NID1: variants seen among roughly 807,000 people sequenced by gnomAD.
NID1 encodes the protein nidogen 1.
NID1 carries 76 observed loss-of-function variants against 130.6 expected under a neutral mutation model. That is an observed-to-expected ratio of 0.58 (90% CI 0.48 to 0.70). NID1 has a LOEUF of 0.70. Ranked by LOEUF, NID1 falls within the 30% of genes least tolerant of loss-of-function variation. The pLI is 0.00. For missense variants in NID1, 1,517 were observed against 1,664.8 expected (o/e 0.91, Z 1.54); for synonymous variants, 665 against 675.1 (o/e 0.98, Z 0.23).
intron 1 of NID1, among the ~76,000 whole-genome samples, chr1:236,063,859 C>T (rs964398350): frequency 4.6e-5 from 7 of 152,232 alleles, no homozygotes; most frequent in African/African-American, 1.7e-4. Flanking sequence ...GGGGCCAGGG[C>T]AGTCAACCAA....
At chr1:235,987,100 T>C (rs1024250554) in intron 14 of NID1, among the ~76,000 whole-genome samples, 4 of 152,226 alleles carry the variant, frequency 2.6e-5, no homozygotes, top group Non-Finnish European at 4.4e-5. Flanking sequence ...TACTGGGCTA[T>C]TGTTTGGTTT....
Position 235,991,030 on chromosome 1 carries a change from G to A in NID1, c.2784C>T (p.His928=), listed in dbSNP as rs776442794. 3 of 1,605,930 alleles carry A rather than the reference G, an allele frequency of 1.9e-6. No individual in the cohort carries two copies. The highest frequency in any genetic ancestry group is 2.2e-5 in the East Asian group (1 of 44,886). ...CGGCGGTAGGCACCGCAGGTCCTTG[G>A]TGAATCGGGGGAGCCACTGTACTCA... is the stretch of plus-strand genomic sequence containing the variant. The part of the protein sequence containing the change: ...PCLSTVAPPI[H]QGPAVPTAVI... The change falls in exon 14 of 20, where the codon CAC becomes CAT. Residue 928 remains histidine (H), a synonymous_variant. Transcript: ENST00000264187.
At chr1:235,995,119 A>T (rs2102803040) in intron 12 of NID1, among the ~76,000 whole-genome samples, 1 of 152,376 alleles carries the variant, frequency 6.6e-6, no homozygotes, top group South Asian at 2.1e-4. Context: ...ACATTTGTGG[A>T]TTCAACCAAC....
intron 12 of NID1, among the ~76,000 whole-genome samples, chr1:236,011,093 G>A (rs1658396158): frequency 6.6e-6 from 1 of 152,050 alleles, no homozygotes; most frequent in African/African-American, 2.4e-5. Context: ...TGAGCTCACA[G>A]GTCCTCAATG....
chr1:235,995,123 A>G (rs188580492), intron 12 of NID1, among the ~76,000 whole-genome samples: 31 of 152,256 alleles, frequency 2.0e-4, no homozygotes, highest in African/African-American at 7.5e-4. Flanking sequence ...TTGTGGATTC[A>G]ACCAACTACA....
chr1:236,001,319 C>A (rs1042170356), intron 12 of NID1, among the ~76,000 whole-genome samples: 39 of 152,114 alleles, frequency 2.6e-4, no homozygotes, highest in African/African-American at 8.9e-4. Flanking sequence ...GTTGGCCAGG[C>A]TGGTCTCGAA....
chr1:235,998,567 C>T (rs774206725), intron 12 of NID1, among the ~76,000 whole-genome samples: 2 of 151,764 alleles, frequency 1.3e-5, no homozygotes, highest in Admixed American at 6.6e-5. Context: ...CCCAGCTACT[C>T]GGGAGGCTGA....
chr1:236,037,652 T>A (rs1407069648), intron 5 of NID1, among the ~76,000 whole-genome samples: 14 of 133,198 alleles, frequency 1.1e-4, no homozygotes, highest in East Asian at 7.1e-4. Context: ...AGTAAGACTC[T>A]GTCTCAAGAA....
chr1:235,997,587 T>C (rs1436508598), intron 12 of NID1, among the ~76,000 whole-genome samples: 1 of 150,802 alleles, frequency 6.6e-6, no homozygotes, highest in African/African-American at 2.4e-5. Context: ...TGTTTTTGAC[T>C]CTCAGTTCCA....
chr1:236,041,812 A>G (rs1056219039), intron 4 of NID1, 98 bp downstream of exon 4: 1 of 1,445,156 alleles, frequency 6.9e-7, no homozygotes, highest in Non-Finnish European at 9.3e-7. Flanking sequence ...TTTACAAACC[A>G]CCATGTAATG....
intron 12 of NID1, 41 bp downstream of exon 12, chr1:236,011,880 A>T (rs566789159): frequency 6.2e-7 from 1 of 1,609,446 alleles, no homozygotes; most frequent in Non-Finnish European, 8.5e-7. Context: ...ATTCATGGAC[A>T]GGGCAATGGG....
intron 1 of NID1, among the ~76,000 whole-genome samples, chr1:236,062,966 C>T (rs1269081350): frequency 6.6e-6 from 1 of 150,582 alleles, no homozygotes; most frequent in Non-Finnish European, 1.5e-5. Context: ...CCAGCCTGGT[C>T]AACATGGTGA....
Position 236,038,059 on chromosome 1 carries a change from G to C in NID1, c.1285+45C>G. On this transcript the variant is annotated intron_variant, in intron 5 of 19. Transcript: ENST00000264187. ...AAACGAGCACCAAAACAAAAACTCC[G>C]CTCCTCCTTCTCCCGCATGAAACGA... The C allele has an allele frequency of 1.9e-6, 3 of 1,562,770 alleles. No homozygotes were observed. The South Asian group carries it at 3.5e-5, about 18-fold the overall frequency.
At chr1:236,023,666 A>T (rs1658835249) in intron 9 of NID1, among the ~76,000 whole-genome samples, 1 of 152,060 alleles carries the variant, frequency 6.6e-6, no homozygotes, top group Non-Finnish European at 1.5e-5. Flanking sequence ...GGAACAAAAA[A>T]TCCATCTTGT....
chr1:236,016,411 A>G (rs1329462804), intron 10 of NID1, among the ~76,000 whole-genome samples: 2 of 152,216 alleles, frequency 1.3e-5, no homozygotes, highest in African/African-American at 2.4e-5. Context: ...GACATGGTAC[A>G]AGAGGAATCT....
chr1:236,063,175 A>AG (rs1660089804), intron 1 of NID1, among the ~76,000 whole-genome samples: 3 of 148,556 alleles, frequency 2.0e-5, no homozygotes, highest in African/African-American at 5.0e-5. Context: ...AAAAAAAAAA[A>AG]GTAAGCATAT....
intron 1 of NID1, 152 bp downstream of exon 1, chr1:236,064,703 G>A: frequency 1.4e-6 from 1 of 698,154 alleles, no homozygotes; most frequent in Non-Finnish European, 2.5e-6. Flanking sequence ...CGCGGACCCT[G>A]CAGAGGCGGG....
rs77524959 is a variant in NID1, at chr1:236,055,283, G to T, written c.226-6294C>A. Among the ~76,000 whole-genome samples, 138 of 150,586 alleles carry T rather than the reference G, an allele frequency of 9.2e-4. 3 individuals carry two copies. The East Asian group carries it at 0.026, about 28-fold the overall frequency. On this transcript the variant is annotated intron_variant, in intron 1 of 19. Transcript: ENST00000264187. ...CACACCACTGCACTCCAACCTGGGC[G>T]ACAGAGCAAGACTCCATCTCAAAAA...
chr1:236,002,307 A>T (rs1384300998), intron 12 of NID1, among the ~76,000 whole-genome samples: 2 of 152,222 alleles, frequency 1.3e-5, no homozygotes, highest in East Asian at 1.9e-4. Flanking sequence ...GTTTGAGACC[A>T]GCCTGGCTAA....
Sources: gnomAD v4.1 joint callset for allele counts (sites outside exome capture counted in the v4.1 genomes callset) on GRCh38, gnomAD v4.1.1 for gene constraint, MANE v1.5 for transcripts, NCBI Gene and HGNC (gene_info 2026-07-23, HGNC 2026-07-21) for gene names.